PRG4: variants seen among roughly 807,000 people sequenced by gnomAD.
PRG4 encodes the protein articular superficial zone protein.
A neutral mutation model predicts 91.2 loss-of-function variants in PRG4; 61 were observed. The observed-to-expected ratio is 0.67, with a 90% CI of 0.54 to 0.83. The LOEUF (loss-of-function observed/expected upper bound fraction) is 0.83. PRG4 is among the 40% of genes least tolerant of loss of function. PRG4 has a pLI of 0.00. For synonymous variants in PRG4, 576 were observed against 614.2 expected, an observed-to-expected ratio of 0.94 and a Z score of 0.92; for missense variants, 1,564 against 1,714.2, an observed-to-expected ratio of 0.91 and a Z score of 1.55.
rs1254581650 is a variant in PRG4 at position 186,308,727 on chromosome 1, A to G, written c.3008A>G (p.Glu1003Gly). 1 of 1,613,962 alleles carries G rather than the reference A, an allele frequency of 6.2e-7. No individual in the cohort carries two copies. The highest frequency in any genetic ancestry group is 1.3e-5 in the African/African-American group (1 of 75,046). ...ACTGAGATTATGAACAAACCTGAAGAAACAGCTAAACCAAAAGACAGAGCT... is the reference window on the plus strand; with the variant it reads ...ACTGAGATTATGAACAAACCTGAAGGAACAGCTAAACCAAAAGACAGAGCT... ...TTTEIMNKPE[E>G]TAKPKDRATN... The change falls in exon 7 of 13, where the codon GAA becomes GGA. Residue 1003 changes from glutamate to glycine, a missense_variant. Physicochemically the swap from Glu to Gly is moderately conservative, Grantham distance 98. Coordinates refer to ENST00000445192, the MANE Select transcript of PRG4 (RefSeq NM_005807.6).
rs748999850 is a variant in PRG4 at position 186,301,693 on chromosome 1, G to C, written c.301G>C (p.Glu101Gln). 6.2e-7 allele frequency: 1 copy of C among 1,613,880 alleles called. No individual in the cohort carries two copies. ...GTATGACAAGTGCTGTCCCGATTAT[G>C]AGAGTTTCTGTGCAGAAGGTAAGCA... ...KKYDKCCPDY[E>Q]SFCAEVHNPT... The change falls in exon 4 of 13, where the codon GAG becomes CAG. Residue 101 changes from glutamate (E) to glutamine (Q), a missense_variant. Glu to Gln is a conservative substitution (Grantham distance 29). Around this residue, in one of 3 missense-constraint regions of PRG4, gnomAD observed 437 missense variants for 459.0 expected, o/e 0.95. Coordinates refer to ENST00000445192, the MANE Select transcript of PRG4 (RefSeq NM_005807.6).
At chr1:186,302,440 A>T (rs1008105128) in intron 4 of PRG4, among the ~76,000 whole-genome samples, 1 of 152,164 alleles carries the variant, frequency 6.6e-6, no homozygotes, top group African/African-American at 2.4e-5. Context: ...ACTTTCCTTT[A>T]CCAAATGGTT....
chr1:186,297,272 TA>T (rs1320707866), intron 2 of PRG4, among the ~76,000 whole-genome samples: 1 of 152,144 alleles, frequency 6.6e-6, no homozygotes, highest in Admixed American at 6.6e-5. Context: ...TAAAAATAAC[TA>T]AAAAAGAACA....
rs375456219 is a variant in PRG4 at position 186,313,706 on chromosome 1, T to G, written c.4143T>G (p.Pro1381=). The part of the protein sequence containing the change: ...SKDQYYNIDV[P]SRTARAITTR... ...ATCAATACTATAACATTGATGTGCC[T>G]AGTAGAACAGCAAGAGCAATTACTA... is the stretch of plus-strand genomic sequence containing the variant. Residue 1381 remains proline (P), a synonymous_variant, in exon 13 of 13, where the codon CCT becomes CCG. Coordinates refer to ENST00000445192, the MANE Select transcript of PRG4 (RefSeq NM_005807.6). 7 of 1,606,890 alleles carry G rather than the reference T, an allele frequency of 4.4e-6. No individual in the cohort carries two copies. Among genetic ancestry groups the G allele is most frequent in the Non-Finnish European group, 6.0e-6 (7 of 1,173,556 alleles).
At chr1:186,299,606 A>G (rs1294140936) in intron 2 of PRG4, among the ~76,000 whole-genome samples, 1 of 152,238 alleles carries the variant, frequency 6.6e-6, no homozygotes. Context: ...ATATACTGGA[A>G]CTATTAACTA....
At position 186,308,766 on chromosome 1, in the gene PRG4, C is replaced by T. The variant is rs780320498; in HGVS notation, c.3047C>T (p.Ala1016Val). 3.7e-5 allele frequency: 59 copies of T among 1,613,664 alleles called. No individual in the cohort carries two copies. The highest frequency in any genetic ancestry group is 4.5e-5 in the Non-Finnish European group (53 of 1,179,974). ...AAAGACAGAGCTACTAATTCTAAAG[C>T]GACAACTCCTAAACCTCAAAAGCCA... is the stretch of plus-strand genomic sequence containing the variant. Reference protein sequence around the residue: ...KPKDRATNSKATTPKPQKPTK... With the variant: ...KPKDRATNSKVTTPKPQKPTK... The change falls in exon 7 of 13, where the codon GCG becomes GTG. Residue 1016 changes from alanine to valine, a missense_variant. Ala to Val is a moderately conservative substitution (Grantham distance 64, BLOSUM62 0). This residue lies in a region of PRG4 where 1,079 missense variants were observed against 1,162.2 expected (regional missense o/e 0.93). Coordinates refer to ENST00000445192, the MANE Select transcript of PRG4 (RefSeq NM_005807.6).
At chr1:186,299,923 C>T (rs947482192) in intron 2 of PRG4, among the ~76,000 whole-genome samples, 168 bp from the exon 3 acceptor site, 2 of 152,226 alleles carry the variant, frequency 1.3e-5, no homozygotes, top group African/African-American at 4.8e-5. Context: ...TAATTGAGAT[C>T]ACCTAAGACA....
chr1:186,309,378 G>A (rs1286587631), intron 7 of PRG4, among the ~76,000 whole-genome samples: 1 of 152,012 alleles, frequency 6.6e-6, no homozygotes, highest in Non-Finnish European at 1.5e-5. Context: ...CAGCAGAGAT[G>A]GTATATAGAA....
chr1:186,307,566 C>A lies in PRG4; in HGVS notation c.1847C>A (p.Thr616Asn), dbSNP rs1290920054. ...CCTGCCCCAACTACCCCCAAGGAGA[C>A]TGCACCCACCACCCCCAAGAAGCTC... ...KEPAPTTPKE[T>N]APTTPKKLTP... Residue 616 changes from threonine to asparagine, a missense_variant, in exon 7 of 13, where the codon ACT (threonine) becomes AAT (asparagine). Physicochemically the swap from Thr to Asn is moderately conservative, Grantham distance 65 (BLOSUM62 0). Around this residue, in one of 3 missense-constraint regions of PRG4, gnomAD observed 1,079 missense variants for 1,162.2 expected, o/e 0.93. Transcript: ENST00000445192. 2 of 1,601,998 alleles carry A rather than the reference C, an allele frequency of 1.2e-6. No homozygotes were observed. The highest frequency in any genetic ancestry group is 3.4e-5 in the Admixed American group (2 of 58,710).
rs145233983 is a variant in PRG4, at chr1:186,310,546, A to G, written c.3500-488A>G. Among the ~76,000 whole-genome samples the G allele has an allele frequency of 6.8e-3, 1,036 of 152,250 alleles. 12 individuals carry two copies. The highest frequency in any genetic ancestry group is 0.022 in the African/African-American group (931 of 41,544). ...CACCCAGGCTGGAGTAGAGTGGTGC[A>G]ATTACGGCTCAATGCAGGCTCGATC... On this transcript the variant is annotated intron_variant, in intron 8 of 12. Coordinates refer to ENST00000445192, the MANE Select transcript of PRG4 (RefSeq NM_005807.6).
In PRG4 at chr1:186,296,882, T is replaced by C. The variant is rs190597799; in HGVS notation, c.7T>C (p.Trp3Arg). The C allele has an allele frequency of 3.6e-4, 582 of 1,613,904 alleles. 5 individuals are homozygous for C. In the Admixed American group the frequency reaches 9.5e-3, roughly 26 times the overall value. The change falls in exon 2 of 13, where the codon TGG (tryptophan) becomes CGG (arginine). Residue 3 changes from tryptophan to arginine, a missense_variant. By Grantham distance (101) the Trp-to-Arg change is moderately radical (BLOSUM62 -3). Coordinates refer to ENST00000445192, the MANE Select transcript of PRG4 (RefSeq NM_005807.6). ...ACGGTACCTGAAAACAACGATGGCA[T>C]GGAAAACACTTCCCATTTACCTGTT... MA[W>R]KTLPIYLLLL...
rs555075735 is a variant in PRG4, at chr1:186,306,460, C to T, written c.741C>T (p.Ser247=). 4 of 1,613,748 alleles carry T rather than the reference C, an allele frequency of 2.5e-6. No homozygotes were observed. In the Admixed American group the frequency reaches 6.7e-5, roughly 27 times the overall value. ...CTACCACCCAACACAATAAAGTCAG[C>T]ACATCTCCCAAGATCACAACAGCAA... ...DTSTTQHNKV[S]TSPKITTAKP... Residue 247 remains serine, a synonymous_variant, in exon 7 of 13, where the codon AGC becomes AGT. Coordinates refer to ENST00000445192, the MANE Select transcript of PRG4 (RefSeq NM_005807.6).
chr1:186,306,668 T>A lies in PRG4; in HGVS notation c.949T>A (p.Ser317Thr). 6.2e-7 allele frequency: 1 copy of A among 1,613,676 alleles called. No homozygotes were observed. The highest frequency in any genetic ancestry group is 8.5e-7 in the Non-Finnish European group (1 of 1,179,742). The change falls in exon 7 of 13, where the codon TCT becomes ACT. Residue 317 changes from serine to threonine, a missense_variant. By Grantham distance (58) the Ser-to-Thr change is moderately conservative. This residue lies in a region of PRG4 where 437 missense variants were observed against 459.0 expected (regional missense o/e 0.95). Coordinates refer to ENST00000445192, the MANE Select transcript of PRG4 (RefSeq NM_005807.6). Reference sequence around the variant, plus strand: ...AGAGACACAAAGTATAGAGAAAACATCTGCTAAAGATTTAGCACCCACATC... The same window carrying A: ...AGAGACACAAAGTATAGAGAAAACAACTGCTAAAGATTTAGCACCCACATC... ...AKETQSIEKT[S>T]AKDLAPTSKV...
At position 186,308,637 on chromosome 1, in the gene PRG4, T is replaced by C. The variant is rs1256124498; in HGVS notation, c.2918T>C (p.Ile973Thr). The stretch of plus-strand genomic sequence containing the variant: ...ACTCAAGATACCACACCATTCAAAA[T>C]TACTACTCTTAAAACAACTACTCTT... ...TTTQDTTPFKITTLKTTTLAP... is the reference protein window; with the variant it reads ...TTTQDTTPFKTTTLKTTTLAP... Residue 973 changes from isoleucine to threonine, a missense_variant, in exon 7 of 13, where the codon ATT (isoleucine) becomes ACT (threonine). By Grantham distance (89) the Ile-to-Thr change is moderately conservative. Transcript: ENST00000445192. 1.1e-5 allele frequency: 17 copies of C among 1,612,092 alleles called. No individual in the cohort carries two copies. The Admixed American group carries it at 2.8e-4, about 27-fold the overall frequency.
chr1:186,308,830 A>G lies in PRG4; in HGVS notation c.3111A>G (p.Pro1037=). 1 of 1,613,900 alleles carries G rather than the reference A, an allele frequency of 6.2e-7. No homozygotes were observed. The highest frequency in any genetic ancestry group is 8.5e-7 in the Non-Finnish European group (1 of 1,179,950). The change falls in exon 7 of 13, where the codon CCA becomes CCG. Residue 1037 remains proline (P), a synonymous_variant. Transcript: ENST00000445192. ...AAAAACCCACTTCTACCAAAAAGCC[A>G]AAAACAATGCCTAGAGTGAGAAAAC... is the stretch of plus-strand genomic sequence containing the variant. ...APKKPTSTKK[P]KTMPRVRKPK... is the part of the protein sequence containing the mutation.
intron 4 of PRG4, among the ~76,000 whole-genome samples, chr1:186,303,748 C>CAA (rs1168492306): frequency 1.3e-5 from 2 of 151,910 alleles, no homozygotes; most frequent in African/African-American, 4.8e-5. Context: ...ATTCTGAAGG[C>CAA]AAAGACCTTC....
chr1:186,306,115 C>T (rs534910806), intron 6 of PRG4, among the ~76,000 whole-genome samples: 1 of 152,226 alleles, frequency 6.6e-6, no homozygotes, highest in South Asian at 2.1e-4. Flanking sequence ...TGTGCTTTTT[C>T]ATCCCTCATC....
chr1:186,301,763 C>T, intron 4 of PRG4, 52 bp downstream of exon 4: 1 of 1,579,724 alleles, frequency 6.3e-7, no homozygotes, highest in Non-Finnish European at 8.7e-7. Context: ...GATCTGTGCA[C>T]CTACCTTAGC....
At position 186,300,088 on chromosome 1, in the gene PRG4, T is replaced by C; in HGVS notation, c.77-3T>C. ...TATTTACGCCAGTATTGTATAATTTTAGATTTATCAAGCTGTGCAGGGAGA... is the reference window on the plus strand; with the variant it reads ...TATTTACGCCAGTATTGTATAATTTCAGATTTATCAAGCTGTGCAGGGAGA... On this transcript the variant is annotated splice_polypyrimidine_tract_variant and splice_region_variant and intron_variant, in intron 2 of 12. Coordinates refer to ENST00000445192, the MANE Select transcript of PRG4 (RefSeq NM_005807.6). 2 of 1,614,066 alleles carry C rather than the reference T, an allele frequency of 1.2e-6. No homozygotes were observed. The highest frequency in any genetic ancestry group is 1.7e-6 in the Non-Finnish European group (2 of 1,179,888).
Sources: gnomAD v4.1 joint callset for allele counts (sites outside exome capture counted in the v4.1 genomes callset) on GRCh38, gnomAD v4.1.1 for gene constraint, gnomAD v4.1.1 regional missense constraint, MANE v1.5 for transcripts, NCBI Gene and HGNC (gene_info 2026-07-23, HGNC 2026-07-21) for gene names.